Variants in ABCA9 observed in about 807,000 individuals in gnomAD.
ABCA9 encodes the protein ATP-binding cassette sub-family A member 9.
A neutral mutation model predicts 205.3 loss-of-function variants in ABCA9; 183 were observed. The ratio of observed to expected loss-of-function variants is 0.89; its 90% CI spans 0.79 to 1.01. The LOEUF (loss-of-function observed/expected upper bound fraction) is 1.01, where lower values mean the gene tolerates loss of function less well. Ranked by LOEUF, ABCA9 falls within the 50% of genes least tolerant of loss-of-function variation. The pLI, the probability that ABCA9 is intolerant of heterozygous loss-of-function variation, is 0.00. For missense variants in ABCA9, 1,805 were observed against 1,912.4 expected (o/e 0.94, Z 1.05); for synonymous variants, 651 against 683.3 (o/e 0.95, Z 0.74).
chr17:69,016,119 TATATACACACAC>T (rs2070596632), intron 22 of ABCA9, 122 bp downstream of exon 22: 3 of 230,770 alleles, frequency 1.3e-5, no homozygotes, highest in African/African-American at 2.5e-5. Context: ...TATATATATA[TATATACACACAC>T]ACACACACAC....
intron 2 of ABCA9, among the ~76,000 whole-genome samples, chr17:69,049,984 G>A (rs547971929): frequency 2.8e-4 from 42 of 152,032 alleles, no homozygotes; most frequent in African/African-American, 9.4e-4. Context: ...GACCACATTC[G>A]GGAATTGGAA....
intron 1 of ABCA9, among the ~76,000 whole-genome samples, chr17:69,057,623 A>G (rs1048742597): frequency 6.6e-6 from 1 of 152,240 alleles, no homozygotes; most frequent in Non-Finnish European, 1.5e-5. Flanking sequence ...CTACTACAAC[A>G]TAATGAAGGT....
intron 8 of ABCA9, among the ~76,000 whole-genome samples, chr17:69,034,218 T>A (rs2071257310): frequency 6.6e-6 from 1 of 152,136 alleles, no homozygotes; most frequent in East Asian, 1.9e-4. Flanking sequence ...TTTTAAATTT[T>A]TTGTTTATTT....
At chr17:69,076,470 G>A in the ABCA9 span, among the ~76,000 whole-genome samples, 2 of 151,994 alleles carry the variant, frequency 1.3e-5, no homozygotes, top group African/African-American at 4.8e-5. Context: ...ATATTGTTCT[G>A]TAGTTTTCTT....
At chr17:68,981,564 G>T (rs2069053470) in intron 37 of ABCA9, among the ~76,000 whole-genome samples, 1 of 152,108 alleles carries the variant, frequency 6.6e-6, no homozygotes, top group Admixed American at 6.5e-5. Context: ...TGACCAACAG[G>T]ATGAGAAAGT....
chr17:68,985,413 AG>A (rs2069198198), intron 32 of ABCA9, among the ~76,000 whole-genome samples: 2 of 151,914 alleles, frequency 1.3e-5, no homozygotes, highest in African/African-American at 4.8e-5. Context: ...CACGAGGTCA[AG>A]AGATTGAGAC....
the ABCA9 span, among the ~76,000 whole-genome samples, chr17:69,075,803 A>G: frequency 6.6e-6 from 1 of 152,164 alleles, no homozygotes; most frequent in African/African-American, 2.4e-5. Flanking sequence ...ATAGTGTCAA[A>G]TCTGTAGATT....
At chr17:69,007,332 C>T (rs4968984) in intron 25 of ABCA9, among the ~76,000 whole-genome samples, 5,408 of 151,896 alleles carry the variant, frequency 0.036, 143 homozygotes, top group Non-Finnish European at 0.056. Context: ...ACATGGGAGG[C>T]GGAGGTTGCA....
intron 23 of ABCA9, among the ~76,000 whole-genome samples, chr17:69,008,539 T>G (rs747347161): frequency 6.6e-6 from 1 of 152,208 alleles, no homozygotes; most frequent in Non-Finnish European, 1.5e-5. Context: ...TATTCTTTCC[T>G]TCGACGTGAA....
At position 68,975,726 on chromosome 17, in the gene ABCA9, GCT is replaced by G. The variant is rs2068874930; in HGVS notation, c.*187_*188del. On this transcript the variant is annotated 3_prime_UTR_variant, in exon 39 of 39. Coordinates refer to ENST00000340001, the MANE Select transcript of ABCA9 (RefSeq NM_080283.4). ...ACAAAGGCTGCATGGTATGGCTTAG[GCT>G]TATGCCCTATGATCGCCCTCACTGA... is the stretch of plus-strand genomic sequence containing the variant. 1 of 576,058 alleles carries G rather than the reference GCT, an allele frequency of 1.7e-6. No individual in the cohort carries two copies. The highest frequency in any genetic ancestry group is 2.9e-5 in the Admixed American group (1 of 33,932). The allele number at this position is 576,058 out of a possible 1,614,324, so 35.7% of individuals were successfully genotyped here.
chr17:69,006,047 A>G (rs1266959436), intron 25 of ABCA9, among the ~76,000 whole-genome samples: 1 of 152,180 alleles, frequency 6.6e-6, no homozygotes, highest in Non-Finnish European at 1.5e-5. Context: ...TTTAACAAAC[A>G]TATAGCTAAT....
intron 18 of ABCA9, 107 bp from the exon 19 acceptor site, chr17:69,020,693 C>A: frequency 1.1e-6 from 1 of 915,746 alleles, no homozygotes; most frequent in Non-Finnish European, 1.7e-6. Flanking sequence ...CCCTCTTGGG[C>A]CAAGATACAA....
At chr17:68,998,396 T>C (rs923016765) in intron 25 of ABCA9, among the ~76,000 whole-genome samples, 1 of 152,200 alleles carries the variant, frequency 6.6e-6, no homozygotes, top group Admixed American at 6.5e-5. Flanking sequence ...TTCCTTTCCC[T>C]CAGATGTGTG....
At position 69,029,183 on chromosome 17, in the gene ABCA9, A is replaced by G. The variant is rs1294369546; in HGVS notation, c.1490T>C (p.Val497Ala). Residue 497 changes from valine (V) to alanine (A), a missense_variant, in exon 11 of 39, where the codon GTA becomes GCA. Val to Ala is a moderately conservative substitution (Grantham distance 64). Coordinates refer to ENST00000340001, the MANE Select transcript of ABCA9 (RefSeq NM_080283.4). ...TATTTTATTACCTTTCAAAGCTTCT[A>G]CTCTCTCACACTTCCCTGCATATTC... ...KKEYAGKCERVEALKGVVFDI... is the reference protein window; with the variant it reads ...KKEYAGKCERAEALKGVVFDI... 7.1e-6 allele frequency: 11 copies of G among 1,555,694 alleles called. No homozygotes were observed. The highest frequency in any genetic ancestry group is 9.7e-6 in the Non-Finnish European group (11 of 1,139,646).
Position 69,060,743 on chromosome 17 carries a change from A to C in ABCA9, c.-14+123T>G, listed in dbSNP as rs978228288. 26 of 663,026 alleles carry C rather than the reference A, an allele frequency of 3.9e-5. No homozygotes were observed. The Admixed American group carries it at 1.2e-3, about 31-fold the overall frequency. The allele number at this position is 663,026 out of a possible 1,614,324, so 41.1% of individuals were successfully genotyped here. A position where few individuals can be genotyped will look rare whatever the true frequency, so the allele number is the denominator to read the frequency against. ...AATAAAATAGATGATTTAAAAAGTC[A>C]AAATGACTCGTTAATAACTTACTGC... On this transcript the variant is annotated intron_variant, in intron 1 of 38. Transcript: ENST00000340001.
At chr17:69,013,451 G>GA (rs1412757040) in intron 22 of ABCA9, among the ~76,000 whole-genome samples, 2 of 150,850 alleles carry the variant, frequency 1.3e-5, no homozygotes, top group East Asian at 3.9e-4. Flanking sequence ...CCTGGGAGGG[G>GA]AAAAAAGGGT....
At chr17:69,019,810 C>G (rs1294940521) in intron 19 of ABCA9, 1 of 152,368 alleles carries the variant, frequency 6.6e-6, no homozygotes, top group Non-Finnish European at 1.5e-5. Context: ...TTTTATAGAG[C>G]CTCAAGACTG....
chr17:69,005,450 C>T (rs1293318371), intron 25 of ABCA9, among the ~76,000 whole-genome samples: 1 of 152,230 alleles, frequency 6.6e-6, no homozygotes, highest in African/African-American at 2.4e-5. Flanking sequence ...AAGCATTCTT[C>T]TCTCAAGGGT....
At chr17:69,007,966 C>G in intron 24 of ABCA9, 94 bp from the exon 25 acceptor site, 1 of 1,430,468 alleles carries the variant, frequency 7.0e-7, no homozygotes, top group East Asian at 2.3e-5. Context: ...TGCAATAGCA[C>G]AGGTAATTTG....
Sources: gnomAD v4.1 joint callset for allele counts (sites outside exome capture counted in the v4.1 genomes callset) on GRCh38, gnomAD v4.1.1 for gene constraint, MANE v1.5 for transcripts, NCBI Gene and HGNC (gene_info 2026-07-23, HGNC 2026-07-21) for gene names.